Variants in CDH13 observed in about 807,000 individuals in gnomAD.
The protein encoded by CDH13 is cadherin-13.
Under a neutral mutation model 63.8 loss-of-function variants are expected in CDH13, and 24 were observed. The observed-to-expected ratio is 0.38, with a 90% CI of 0.27 to 0.53. CDH13 has a LOEUF of 0.53. Ranked by LOEUF, CDH13 falls within the 20% of genes least tolerant of loss-of-function variation. The pLI, the probability that CDH13 is intolerant of heterozygous loss-of-function variation, is 0.85. For synonymous variants in CDH13, 503 were observed against 355.3 expected, an observed-to-expected ratio of 1.42 and a Z score of -4.67; for missense variants, 1,049 against 903.1, an observed-to-expected ratio of 1.16 and a Z score of -2.07.
At chr16:83,109,893 A>G (rs2034975296) in intron 3 of CDH13, among the ~76,000 whole-genome samples, 1 of 152,260 alleles carries the variant, frequency 6.6e-6, no homozygotes, top group Admixed American at 6.5e-5. Flanking sequence ...CACCTCCAGT[A>G]AAACTAGCAA....
rs564414075 is a variant in CDH13 at position 82,766,545 on chromosome 16, A to G, written c.46-91817A>G. ...TAGCTTGGAACAAAGCAGTTAATCTATTGAGCTTCATTATCTCTCTCCTGA... is the reference window on the plus strand; with the variant it reads ...TAGCTTGGAACAAAGCAGTTAATCTGTTGAGCTTCATTATCTCTCTCCTGA... On this transcript the variant is annotated intron_variant, in intron 1 of 13. Coordinates refer to ENST00000567109, the MANE Select transcript of CDH13 (RefSeq NM_001257.5). 1.5e-4 allele frequency among the ~76,000 whole-genome samples: 23 copies of G among 152,328 alleles called. No individual in the cohort carries two copies. In the South Asian group the frequency reaches 4.4e-3, roughly 29 times the overall value.
intron 5 of CDH13, among the ~76,000 whole-genome samples, chr16:83,266,678 C>G (rs1473973451): frequency 6.6e-6 from 1 of 152,206 alleles, no homozygotes; most frequent in Non-Finnish European, 1.5e-5. Flanking sequence ...TAAGGACAAA[C>G]ATTAAGCCAA....
intron 2 of CDH13, among the ~76,000 whole-genome samples, chr16:82,929,667 AAAAAAAAAAAAAAAAAG>A (rs889604771): frequency 1.4e-5 from 2 of 145,578 alleles, no homozygotes; most frequent in African/African-American, 2.5e-5. Flanking sequence ...AAAAAAAAAA[AAAAAAAAAAAAAAAAAG>A]AAGACAGCCG....
At chr16:82,629,452 G>A (rs1412731625) in intron 1 of CDH13, among the ~76,000 whole-genome samples, 2 of 152,224 alleles carry the variant, frequency 1.3e-5, no homozygotes, top group African/African-American at 2.4e-5. Context: ...TTCACGTGCA[G>A]AACTCTGTGT....
intron 1 of CDH13, among the ~76,000 whole-genome samples, chr16:82,856,456 C>G (rs2039698229): frequency 6.7e-6 from 1 of 149,702 alleles, no homozygotes; most frequent in African/African-American, 2.4e-5. Context: ...AGTCTTGGCA[C>G]TTTGGGAAGT....
chr16:83,504,942 A>G (rs2074362606), intron 7 of CDH13, among the ~76,000 whole-genome samples: 1 of 152,210 alleles, frequency 6.6e-6, no homozygotes, highest in Non-Finnish European at 1.5e-5. Flanking sequence ...TAAAGCATCA[A>G]AATTTCCTGC....
intron 4 of CDH13, among the ~76,000 whole-genome samples, chr16:83,170,464 C>T (rs920629628): frequency 3.3e-5 from 5 of 152,090 alleles, no homozygotes; most frequent in African/African-American, 1.2e-4. Context: ...GTCAAAGATA[C>T]TATGTTTCAT....
chr16:82,759,679 G>A (rs1010903651), intron 1 of CDH13, among the ~76,000 whole-genome samples: 9 of 151,888 alleles, frequency 5.9e-5, no homozygotes, highest in Admixed American at 2.0e-4. Flanking sequence ...ACAAGAAGCG[G>A]CAATTAAAGG....
intron 3 of CDH13, among the ~76,000 whole-genome samples, chr16:83,034,220 C>G (rs1275373424): frequency 1.3e-5 from 2 of 152,094 alleles, no homozygotes; most frequent in East Asian, 3.9e-4. Context: ...CCTGAGTATC[C>G]TTCTCACTGC....
intron 2 of CDH13, among the ~76,000 whole-genome samples, chr16:82,867,600 C>T (rs1357852696): frequency 6.6e-6 from 1 of 152,142 alleles, no homozygotes; most frequent in Non-Finnish European, 1.5e-5. Flanking sequence ...TGTGTGGAAT[C>T]ACATTAATCA....
intron 1 of CDH13, among the ~76,000 whole-genome samples, chr16:82,689,618 T>C (rs1315104560): frequency 1.3e-5 from 2 of 152,090 alleles, no homozygotes; most frequent in Non-Finnish European, 2.9e-5. Flanking sequence ...AAATGGCAAA[T>C]GTGTTTGATG....
intron 5 of CDH13, among the ~76,000 whole-genome samples, chr16:83,264,410 C>G (rs1907347159): frequency 6.6e-6 from 1 of 151,862 alleles, no homozygotes; most frequent in Non-Finnish European, 1.5e-5. Context: ...TTAACTTCAT[C>G]AATAACATAT....
intron 4 of CDH13, among the ~76,000 whole-genome samples, chr16:83,177,410 T>C (rs2038172040): frequency 6.6e-6 from 1 of 152,174 alleles, no homozygotes; most frequent in Non-Finnish European, 1.5e-5. Context: ...AATAAGCATG[T>C]CAACATCAAT....
intron 6 of CDH13, among the ~76,000 whole-genome samples, chr16:83,436,537 A>G (rs1444626612): frequency 6.6e-6 from 1 of 152,158 alleles, no homozygotes; most frequent in African/African-American, 2.4e-5. Context: ...TGCCATGGAC[A>G]CCTTAATGCT....
chr16:82,692,374 G>A (rs754520204), intron 1 of CDH13, among the ~76,000 whole-genome samples: 2 of 152,214 alleles, frequency 1.3e-5, no homozygotes, highest in Non-Finnish European at 2.9e-5. Flanking sequence ...GTTCTGTATG[G>A]TAGCGGAGGC....
At chr16:83,248,684 C>T (rs1427821443) in intron 5 of CDH13, among the ~76,000 whole-genome samples, 1 of 152,108 alleles carries the variant, frequency 6.6e-6, no homozygotes. Flanking sequence ...ATGAACTTCT[C>T]TCCTTCTAAT....
intron 1 of CDH13, among the ~76,000 whole-genome samples, chr16:82,740,173 C>G (rs1248040145): frequency 6.6e-6 from 1 of 152,154 alleles, no homozygotes. Flanking sequence ...ATGGACTGAG[C>G]TCATATCTGT....
intron 6 of CDH13, among the ~76,000 whole-genome samples, chr16:83,378,055 C>T (rs377266229): frequency 6.6e-6 from 1 of 152,118 alleles, no homozygotes; most frequent in East Asian, 1.9e-4. Context: ...CCTTTGGACC[C>T]GCTACCATGC....
intron 5 of CDH13, among the ~76,000 whole-genome samples, chr16:83,239,879 C>G (rs1054020726): frequency 6.6e-6 from 1 of 152,090 alleles, no homozygotes; most frequent in Non-Finnish European, 1.5e-5. Flanking sequence ...GGCAGGGGAG[C>G]TGGAGGAGGT....
Sources: allele counts gnomAD v4.1 joint callset (sites outside exome capture counted in the v4.1 genomes callset), GRCh38; gene constraint gnomAD v4.1.1; transcripts MANE v1.5; gene names NCBI Gene and HGNC (gene_info 2026-07-23, HGNC 2026-07-21).